The following SNX24 variants were observed in gnomAD, a reference collection of about 807,000 sequenced individuals.
SNX24 encodes sorting nexin-24.
A neutral mutation model predicts 28.7 loss-of-function variants in SNX24; 22 were observed. That is an observed-to-expected ratio of 0.77 (90% CI 0.55 to 1.10). The LOEUF (loss-of-function observed/expected upper bound fraction) is 1.10. Among genes scored for constraint, SNX24 ranks in the 50% least tolerant of loss-of-function variants. The pLI is 0.00. For synonymous variants in SNX24, 69 were observed against 71.5 expected (o/e 0.96, Z 0.18); for missense variants, 221 against 201.1 (o/e 1.10, Z -0.60).
At position 123,009,151 on chromosome 5, in the gene SNX24, A is replaced by T. The variant is rs918533822; in HGVS notation, c.*1402A>T. On this transcript the variant is annotated 3_prime_UTR_variant, in exon 7 of 7. Transcript: ENST00000261369. ...ATAGTTGGGTATTGGAGATTTTTTTAAAATGTTTTTATGTTATTAGCTATT... is the reference window on the plus strand; with the variant it reads ...ATAGTTGGGTATTGGAGATTTTTTTTAAATGTTTTTATGTTATTAGCTATT... 7.7e-5 allele frequency: 76 copies of T among 984,618 alleles called. No homozygotes were observed. Among genetic ancestry groups the T allele is most frequent in the Admixed American group, 2.5e-4 (4 of 16,262 alleles). The allele number at this position is 984,618 out of a possible 1,614,324, so 61.0% of individuals were successfully genotyped here.
At chr5:122,884,043 A>G (rs1219998524) in intron 1 of SNX24, among the ~76,000 whole-genome samples, 2 of 152,174 alleles carry the variant, frequency 1.3e-5, no homozygotes, top group Non-Finnish European at 2.9e-5. Context: ...GAAGAAACAG[A>G]TTTAGCAAAC....
intron 1 of SNX24, among the ~76,000 whole-genome samples, chr5:122,905,805 A>G (rs1757623961): frequency 6.6e-6 from 1 of 152,168 alleles, no homozygotes; most frequent in South Asian, 2.1e-4. Flanking sequence ...CTACTTGGGA[A>G]CTCAAATTTA....
At chr5:122,953,720 G>A (rs534493567) in intron 3 of SNX24, among the ~76,000 whole-genome samples, 1 of 152,250 alleles carries the variant, frequency 6.6e-6, no homozygotes, top group Admixed American at 6.5e-5. Flanking sequence ...CAATAACGTG[G>A]AATTTATCTT....
At chr5:122,936,428 C>G (rs1002487731) in intron 1 of SNX24, among the ~76,000 whole-genome samples, 1 of 152,028 alleles carries the variant, frequency 6.6e-6, no homozygotes, top group African/African-American at 2.4e-5. Flanking sequence ...ATCATATTCA[C>G]TTGGTGAAAT....
intron 1 of SNX24, among the ~76,000 whole-genome samples, chr5:122,881,294 T>C (rs184063881): frequency 6.6e-6 from 1 of 152,222 alleles, no homozygotes; most frequent in Non-Finnish European, 1.5e-5. Context: ...ATAGTTGCCT[T>C]TTTAGAGATA....
At chr5:122,985,212 C>T (rs1761549518) in intron 3 of SNX24, among the ~76,000 whole-genome samples, 1 of 152,152 alleles carries the variant, frequency 6.6e-6, no homozygotes, top group South Asian at 2.1e-4. Flanking sequence ...GTCTTATGTA[C>T]ATAGTCAGCC....
rs369474203 is a variant in SNX24 at position 122,894,076 on chromosome 5, T to C, written c.61-42658T>C. Among the ~76,000 whole-genome samples the C allele has an allele frequency of 1.1e-4, 16 of 152,226 alleles. 2 individuals carry two copies. The highest frequency in any genetic ancestry group is 3.9e-4 in the East Asian group (2 of 5,184). On this transcript the variant is annotated intron_variant, in intron 1 of 6. Transcript: ENST00000261369. ...AGTAACTTGAATTATTTGTTCTGTA[T>C]TGTTATGTAATCAATTTAGTATGCA...
chr5:123,016,614 G>T (rs1009256112), intron 5 of SNX24, among the ~76,000 whole-genome samples: 1 of 152,194 alleles, frequency 6.6e-6, no homozygotes, highest in Non-Finnish European at 1.5e-5. Context: ...TTGAGTAGAT[G>T]AGAAGTGACC....
intron 5 of SNX24, among the ~76,000 whole-genome samples, chr5:123,021,013 T>C (rs1459087816): frequency 6.6e-6 from 1 of 152,100 alleles, no homozygotes; most frequent in Non-Finnish European, 1.5e-5. Context: ...TCCCCTGCTC[T>C]GTTCATCTGG....
intron 1 of SNX24, among the ~76,000 whole-genome samples, chr5:122,902,104 C>T (rs1170363609): frequency 6.6e-6 from 1 of 152,216 alleles, no homozygotes; most frequent in Non-Finnish European, 1.5e-5. Context: ...GCCTCTGGCC[C>T]TTGTTCACAC....
intron 1 of SNX24, among the ~76,000 whole-genome samples, chr5:122,861,115 A>C (rs1174405564): frequency 6.6e-6 from 1 of 151,960 alleles, no homozygotes; most frequent in Non-Finnish European, 1.5e-5. Context: ...CAAGATGGGT[A>C]GATCACTTGA....
chr5:122,847,730 G>A (rs1418367806), intron 1 of SNX24, among the ~76,000 whole-genome samples: 3 of 152,122 alleles, frequency 2.0e-5, no homozygotes, highest in Non-Finnish European at 4.4e-5. Flanking sequence ...CTGTGCTCAA[G>A]CAAACCATCT....
chr5:122,893,844 A>G (rs1757086542), intron 1 of SNX24, among the ~76,000 whole-genome samples: 1 of 152,186 alleles, frequency 6.6e-6, no homozygotes, highest in Non-Finnish European at 1.5e-5. Flanking sequence ...GGAGTTCGAG[A>G]CCAGCCTGGC....
chr5:122,913,521 C>G (rs954745786), intron 1 of SNX24, among the ~76,000 whole-genome samples: 5 of 151,986 alleles, frequency 3.3e-5, no homozygotes, highest in African/African-American at 4.8e-5. Flanking sequence ...GGCTGCCTGG[C>G]GGAGGGGCTC....
chr5:122,956,790 G>T (rs190005837), intron 3 of SNX24, among the ~76,000 whole-genome samples: 1 of 152,206 alleles, frequency 6.6e-6, no homozygotes, highest in East Asian at 1.9e-4. Flanking sequence ...GATCGCTGAT[G>T]TTGAGCATCT....
Position 123,025,947 on chromosome 5 carries a change from G to A in SNX24, n.384-3291G>A, listed in dbSNP as rs945520075. On this transcript the variant is annotated intron_variant and non_coding_transcript_variant, in intron 5 of 5. Coordinates refer to the SNX24 transcript ENST00000502387. ...CAGCTTGAAGTTCTCATCTGGAAAT[G>A]TCTCACCATAGATGCTCACACCTGA... 5.6e-6 allele frequency: 9 copies of A among 1,606,444 alleles called. No individual in the cohort carries two copies. The highest frequency in any genetic ancestry group is 1.7e-5 in the Admixed American group (1 of 58,122).
intron 1 of SNX24, among the ~76,000 whole-genome samples, chr5:122,894,754 A>G (rs1475431594): frequency 6.6e-6 from 1 of 152,216 alleles, no homozygotes; most frequent in Non-Finnish European, 1.5e-5. Context: ...GGCTAGGAAG[A>G]AAAGTGGCGC....
At chr5:123,029,025 T>C (rs1337117352) in intron 5 of SNX24, 2 of 826,362 alleles carry the variant, frequency 2.4e-6, no homozygotes, top group Admixed American at 6.0e-5. Context: ...AATTTATCAT[T>C]AGCTGACCAA....
chr5:123,024,110 G>T (rs562168314), intron 5 of SNX24: 13 of 1,307,680 alleles, frequency 9.9e-6, no homozygotes, highest in Non-Finnish European at 2.1e-6. Context: ...AGGAAATAAG[G>T]TTGGTTGGTT....
Sources: gnomAD v4.1 joint callset for allele counts (sites outside exome capture counted in the v4.1 genomes callset) on GRCh38, gnomAD v4.1.1 for gene constraint, MANE v1.5 for transcripts, NCBI Gene and HGNC (gene_info 2026-07-23, HGNC 2026-07-21) for gene names.